Variants in CCL25 observed in about 807,000 individuals in gnomAD.
The protein encoded by CCL25 is C-C motif chemokine 25.
A neutral mutation model predicts 19.9 loss-of-function variants in CCL25; 14 were observed. The ratio of observed to expected loss-of-function variants is 0.70; its 90% CI spans 0.47 to 1.10. CCL25 has a LOEUF of 1.10. Among genes scored for constraint, CCL25 ranks in the 50% least tolerant of loss-of-function variants. The pLI, the probability that CCL25 is intolerant of heterozygous loss-of-function variation, is 0.00. For missense variants in CCL25, 151 were observed against 181.2 expected, an observed-to-expected ratio of 0.83 and a Z score of 0.96; for synonymous variants, 68 against 73.2, an observed-to-expected ratio of 0.93 and a Z score of 0.36.
intron 4 of CCL25, 100 bp from the exon 5 acceptor site, chr19:8,057,700 AT>A: frequency 6.9e-7 from 1 of 1,453,040 alleles, no homozygotes; most frequent in African/African-American, 1.4e-5. Flanking sequence ...TGGGAGACTC[AT>A]TGGCTTAAAT....
Position 8,056,512 on chromosome 19 carries a change from T to C in CCL25, c.325+13T>C, listed in dbSNP as rs1322988725. 6.2e-7 allele frequency: 1 copy of C among 1,613,800 alleles called. No individual in the cohort carries two copies. The highest frequency in any genetic ancestry group is 1.1e-5 in the South Asian group (1 of 91,074). ...CAGACCTTCCAAGGTGGGCAAGACC[T>C]CTGCTGGGCATCTAGGGGGCCTGCC... On this transcript the variant is annotated intron_variant, in intron 4 of 5. Transcript: ENST00000315626.
rs563306545 is a variant in CCL25, at chr19:8,062,556, TG to T, written c.*334del. 136 of 363,324 alleles carry T rather than the reference TG, an allele frequency of 3.7e-4. No individual in the cohort carries two copies. The highest frequency in any genetic ancestry group is 2.6e-3 in the African/African-American group (127 of 48,852). The allele number at this position is 363,324 out of a possible 1,614,324, so 22.5% of individuals were successfully genotyped here. A position where few individuals can be genotyped will look rare whatever the true frequency, so the allele number is the denominator to read the frequency against. ...CCCGGGCCATGCCAGTGTGTCCCTC[TG>T]GGTCCCTCCAAAACTCTGGTCAGTT... On this transcript the variant is annotated 3_prime_UTR_variant, in exon 6 of 6. Transcript: ENST00000315626.
At chr19:8,053,222 A>C (rs1257928363) in intron 2 of CCL25, 100 bp downstream of exon 2, 2 of 662,450 alleles carry the variant, frequency 3.0e-6, no homozygotes, top group Non-Finnish European at 4.9e-6. Context: ...CCCCAATCCC[A>C]TCTCCACTGA....
At chr19:8,056,753 C>T (rs1340230141) in intron 4 of CCL25, among the ~76,000 whole-genome samples, 1 of 152,182 alleles carries the variant, frequency 6.6e-6, no homozygotes, top group Non-Finnish European at 1.5e-5. Context: ...GATCATAGCT[C>T]ACTGCGGCCT....
intron 5 of CCL25, among the ~76,000 whole-genome samples, chr19:8,058,795 A>T (rs2081293878): frequency 7.2e-6 from 1 of 139,786 alleles, no homozygotes; most frequent in Non-Finnish European, 1.5e-5. Context: ...AGTAGCTGGG[A>T]CTACAGGCGC....
intron 2 of CCL25, among the ~76,000 whole-genome samples, chr19:8,055,620 C>T (rs2081265575): frequency 6.6e-6 from 1 of 151,966 alleles, no homozygotes; most frequent in South Asian, 2.1e-4. Context: ...AGGCATGAGC[C>T]ACCGCGCCCG....
At chr19:8,056,302 G>GGGGGGGGGGGGGGGGGGGCGCCCC in intron 3 of CCL25, 33 bp downstream of exon 3, 1 of 593,420 alleles carries the variant, frequency 1.7e-6, no homozygotes, top group Non-Finnish European at 3.2e-6. Context: ...GGGGGGTGGG[G>GGGGGGGGGGGGGGGGGGGCGCCCC]TGCACACACA....
chr19:8,056,290 T>C, intron 3 of CCL25, 21 bp downstream of exon 3: 1 of 327,212 alleles, frequency 3.1e-6, no homozygotes, highest in East Asian at 7.9e-5. Flanking sequence ...CCGTGGGGGC[T>C]GGGGGGGTGG....
chr19:8,058,148 G>T (rs1440856063), intron 5 of CCL25, among the ~76,000 whole-genome samples: 1 of 151,494 alleles, frequency 6.6e-6, no homozygotes, highest in Non-Finnish European at 1.5e-5. Context: ...CCAGGGGAGT[G>T]GCCCAAGAGC....
At chr19:8,057,591 C>G (rs554579630) in intron 4 of CCL25, among the ~76,000 whole-genome samples, 10 of 152,234 alleles carry the variant, frequency 6.6e-5, no homozygotes, top group Admixed American at 3.9e-4. Flanking sequence ...CTTGGCCTCC[C>G]AAAGTGCTGG....
intron 5 of CCL25, among the ~76,000 whole-genome samples, chr19:8,060,514 T>C (rs1021920218): frequency 2.0e-5 from 3 of 151,990 alleles, no homozygotes; most frequent in African/African-American, 7.3e-5. Flanking sequence ...CTGAACCCCA[T>C]AGTTCAGGCT....
Position 8,057,920 on chromosome 19 carries a change from G to T in CCL25, c.445G>T (p.Gly149Ter). The T allele has an allele frequency of 6.2e-7, 1 of 1,611,154 alleles. No homozygotes were observed. Among genetic ancestry groups the T allele is most frequent in the South Asian group, 1.1e-5 (1 of 90,942 alleles). ...NVSLLISANS[G>*]L ...CTCCCTCCTGATATCAGCTAATTCA[G>T]GTAAGGACTCTTGGTCATGTGACTG... The change falls in exon 5 of 6, where the codon GGA becomes TGA. Residue 149 changes from glycine (G) to a stop codon, truncating the protein, a stop_gained and splice_region_variant. Transcript: ENST00000315626. LOFTEE classifies it high-confidence loss of function.
At chr19:8,052,559 T>C (rs781163312), upstream of CCL25, among the ~76,000 whole-genome samples, 35 of 151,036 alleles carry the variant, frequency 2.3e-4, no homozygotes, top group Admixed American at 9.9e-4. Context: ...CTGGAGACAG[T>C]AGGGGTGCTG....
intron 5 of CCL25, among the ~76,000 whole-genome samples, chr19:8,059,794 A>G (rs537715017): frequency 6.6e-6 from 1 of 152,150 alleles, no homozygotes; most frequent in South Asian, 2.1e-4. Context: ...AGAAGGATCA[A>G]TTGAGCCCAG....
At chr19:8,057,011 G>T (rs1353055280) in intron 4 of CCL25, among the ~76,000 whole-genome samples, 1 of 151,834 alleles carries the variant, frequency 6.6e-6, no homozygotes, top group Non-Finnish European at 1.5e-5. Context: ...CCAGCTCATT[G>T]TTATTTTATT....
rs949225394 is a variant in CCL25 at position 8,057,337 on chromosome 19, T to G, written c.326-464T>G. On this transcript the variant is annotated intron_variant, in intron 4 of 5. Coordinates refer to ENST00000315626, the MANE Select transcript of CCL25 (RefSeq NM_005624.4). The stretch of plus-strand genomic sequence containing the variant: ...GCCTGGCTCCAGCTCATTATTATTA[T>G]TATTATTTTGAGACAGGGTTTTACT... Among the ~76,000 whole-genome samples the G allele has an allele frequency of 1.3e-5, 2 of 150,694 alleles. 1 individual carries two copies. The highest frequency in any genetic ancestry group is 4.2e-4 in the South Asian group (2 of 4,736).
chr19:8,061,355 C>G (rs2081316716), intron 5 of CCL25, among the ~76,000 whole-genome samples: 2 of 151,866 alleles, frequency 1.3e-5, no homozygotes, highest in Admixed American at 6.6e-5. Context: ...CTATGTTGGC[C>G]AGGCTGGTCT....
At chr19:8,061,009 A>C (rs1361379580) in intron 5 of CCL25, among the ~76,000 whole-genome samples, 1 of 88,634 alleles carries the variant, frequency 1.1e-5, no homozygotes, top group African/African-American at 4.5e-5. Context: ...TTTTTGAGAC[A>C]GAGTCTCACT....
chr19:8,055,447 T>C (rs1172107585), intron 2 of CCL25, among the ~76,000 whole-genome samples: 3 of 150,464 alleles, frequency 2.0e-5, no homozygotes, highest in Non-Finnish European at 4.4e-5. Context: ...GCCATTCTCC[T>C]GCCTCAGCCT....
Sources: gnomAD v4.1 joint callset for allele counts (sites outside exome capture counted in the v4.1 genomes callset) on GRCh38, gnomAD v4.1.1 for gene constraint, MANE v1.5 for transcripts, NCBI Gene and HGNC (gene_info 2026-07-23, HGNC 2026-07-21) for gene names.